SYT1: variants seen among roughly 807,000 people sequenced by gnomAD.
SYT1 encodes the protein synaptotagmin 1.
A neutral mutation model predicts 44.8 loss-of-function variants in SYT1; 8 were observed. The observed-to-expected ratio is 0.18, with a 90% CI of 0.10 to 0.32. SYT1 has a LOEUF of 0.32. SYT1 is among the 10% of genes least tolerant of loss of function. The pLI is 1.00. For missense variants in SYT1, 286 were observed against 509.3 expected (o/e 0.56, Z 4.22); for synonymous variants, 154 against 188.8 (o/e 0.82, Z 1.51).
chr12:78,960,979 G>T (rs1478584468), intron 1 of SYT1, among the ~76,000 whole-genome samples: 1 of 152,066 alleles, frequency 6.6e-6, no homozygotes, highest in Admixed American at 6.6e-5. Flanking sequence ...ATTTTCTAAA[G>T]TTTTCTTCAA....
At position 78,998,054 on chromosome 12, in the gene SYT1, G is replaced by C. The variant is rs772513270; in HGVS notation, c.-84+20123G>C. Among the ~76,000 whole-genome samples, 19 of 152,238 alleles carry C rather than the reference G, an allele frequency of 1.2e-4. 1 individual carries two copies. The highest frequency in any genetic ancestry group is 4.3e-4 in the African/African-American group (18 of 41,540). Reference sequence around the variant, plus strand: ...CCCCAGATCAGGTTTTGGTAGATCTGAGAACAAATGAAACAAAAGAATTAC... The same window carrying C: ...CCCCAGATCAGGTTTTGGTAGATCTCAGAACAAATGAAACAAAAGAATTAC... On this transcript the variant is annotated intron_variant, in intron 2 of 10. Transcript: ENST00000261205.
At chr12:79,092,251 G>A (rs1323340235) in intron 3 of SYT1, among the ~76,000 whole-genome samples, 8 of 151,826 alleles carry the variant, frequency 5.3e-5, no homozygotes, top group African/African-American at 1.7e-4. Flanking sequence ...ATTCCTTAGA[G>A]CAATCTGGTC....
At chr12:79,264,770 C>T (rs1878034581) in intron 4 of SYT1, among the ~76,000 whole-genome samples, 1 of 152,146 alleles carries the variant, frequency 6.6e-6, no homozygotes. Context: ...ATGCTGCTTG[C>T]ATTATTTGAA....
chr12:79,125,041 G>T (rs1050584723), intron 3 of SYT1, among the ~76,000 whole-genome samples: 2 of 151,964 alleles, frequency 1.3e-5, no homozygotes, highest in Non-Finnish European at 2.9e-5. Context: ...GTTTGGTTTG[G>T]TTTGATTTGG....
At chr12:79,298,095 G>A (rs1167593857) in intron 7 of SYT1, among the ~76,000 whole-genome samples, 1 of 152,024 alleles carries the variant, frequency 6.6e-6, no homozygotes, top group Non-Finnish European at 1.5e-5. Context: ...GTCCAAATCT[G>A]GTACAAGGTC....
At chr12:79,379,253 A>C (rs1393924231) in intron 9 of SYT1, among the ~76,000 whole-genome samples, 1 of 152,182 alleles carries the variant, frequency 6.6e-6, no homozygotes, top group East Asian at 1.9e-4. Flanking sequence ...TGAAATAACA[A>C]GTCACTTGAT....
intron 2 of SYT1, among the ~76,000 whole-genome samples, chr12:79,017,629 T>G (rs1871891992): frequency 6.6e-6 from 1 of 151,934 alleles, no homozygotes; most frequent in Non-Finnish European, 1.5e-5. Context: ...AGCCAGAACA[T>G]GTAAGAGTTG....
At chr12:79,210,823 C>T (rs1874398295) in intron 3 of SYT1, among the ~76,000 whole-genome samples, 1 of 151,942 alleles carries the variant, frequency 6.6e-6, no homozygotes, top group South Asian at 2.1e-4. Context: ...TTAATGATAC[C>T]TTCATATCTT....
chr12:78,972,312 CA>C (rs1868436426), intron 1 of SYT1, among the ~76,000 whole-genome samples: 1 of 151,926 alleles, frequency 6.6e-6, no homozygotes, highest in African/African-American at 2.4e-5. Context: ...TACGTAAGGT[CA>C]AAAACCTAAG....
chr12:79,069,028 C>T (rs1380528205), intron 3 of SYT1, among the ~76,000 whole-genome samples: 4 of 152,122 alleles, frequency 2.6e-5, no homozygotes, highest in Non-Finnish European at 5.9e-5. Flanking sequence ...CAATACTCTT[C>T]CTGCATATAC....
intron 3 of SYT1, among the ~76,000 whole-genome samples, chr12:79,081,473 G>T (rs923245074): frequency 8.6e-5 from 13 of 151,056 alleles, no homozygotes; most frequent in South Asian, 8.4e-4. Context: ...TCTGTCTCCT[G>T]GTTAATCTGA....
At chr12:78,949,799 G>A (rs1383180616) in intron 1 of SYT1, among the ~76,000 whole-genome samples, 1 of 151,906 alleles carries the variant, frequency 6.6e-6, no homozygotes, top group African/African-American at 2.4e-5. Flanking sequence ...AGGATAGTAG[G>A]GCAGTTCCAT....
At chr12:79,141,244 T>G (rs1014212521) in intron 3 of SYT1, among the ~76,000 whole-genome samples, 4 of 152,184 alleles carry the variant, frequency 2.6e-5, no homozygotes, top group Non-Finnish European at 5.9e-5. Context: ...CATTGGTACA[T>G]TAATATTGTC....
At chr12:78,971,153 G>A (rs1160746888) in intron 1 of SYT1, among the ~76,000 whole-genome samples, 1 of 152,102 alleles carries the variant, frequency 6.6e-6, no homozygotes, top group Non-Finnish European at 1.5e-5. Flanking sequence ...AACAGAGTGA[G>A]ACTATGTCAC....
At chr12:79,186,198 T>C (rs1430440585) in intron 3 of SYT1, among the ~76,000 whole-genome samples, 2 of 152,036 alleles carry the variant, frequency 1.3e-5, no homozygotes, top group African/African-American at 4.8e-5. Flanking sequence ...TGACATAAAG[T>C]TCAATTACTT....
intron 3 of SYT1, among the ~76,000 whole-genome samples, chr12:79,172,026 A>G (rs1179898284): frequency 6.6e-6 from 1 of 151,984 alleles, no homozygotes; most frequent in Admixed American, 6.6e-5. Context: ...GCAAATCTTT[A>G]TCTCTTTTAA....
intron 3 of SYT1, among the ~76,000 whole-genome samples, chr12:79,082,662 C>T (rs1417700226): frequency 6.6e-6 from 1 of 152,128 alleles, no homozygotes; most frequent in African/African-American, 2.4e-5. Flanking sequence ...ACCCTTGCTG[C>T]TTGCTGTATC....
intron 4 of SYT1, among the ~76,000 whole-genome samples, chr12:79,241,340 G>A (rs956551030): frequency 2.0e-5 from 3 of 151,818 alleles, no homozygotes; most frequent in Non-Finnish European, 4.4e-5. Flanking sequence ...GCACGATCTC[G>A]GCTCACTGCA....
At chr12:79,109,400 G>GT (rs1159221461) in intron 3 of SYT1, among the ~76,000 whole-genome samples, 2 of 152,190 alleles carry the variant, frequency 1.3e-5, no homozygotes, top group Non-Finnish European at 2.9e-5. Context: ...GGTCAGAGAA[G>GT]TTACATGAAT....
Sources: allele counts gnomAD v4.1 joint callset (sites outside exome capture counted in the v4.1 genomes callset), GRCh38; gene constraint gnomAD v4.1.1; transcripts MANE v1.5; gene names NCBI Gene and HGNC (gene_info 2026-07-23, HGNC 2026-07-21).